APAF1: variants seen among roughly 807,000 people sequenced by gnomAD.
APAF1 encodes the protein apoptotic protease-activating factor 1.
A neutral mutation model predicts 152.4 loss-of-function variants in APAF1; 91 were observed. That is an observed-to-expected ratio of 0.60 (90% confidence interval 0.50 to 0.71). APAF1 has a LOEUF of 0.71. APAF1 is among the 30% of genes least tolerant of loss of function. APAF1 has a pLI of 0.00. For missense variants in APAF1, 1,283 were observed against 1,472.0 expected (o/e 0.87, Z 2.10); for synonymous variants, 484 against 494.1 (o/e 0.98, Z 0.27).
At chr12:98,667,372 T>C in intron 9 of APAF1, 141 bp from the exon 10 acceptor site, 1 of 939,184 alleles carries the variant, frequency 1.1e-6, no homozygotes, top group Admixed American at 1.9e-5. Flanking sequence ...TACCTTGGCC[T>C]CCCAAAGTGC....
chr12:98,645,334 C>T lies in APAF1; in HGVS notation c.-543C>T, dbSNP rs1457159489. Reference sequence around the variant, plus strand: ...TAGCGAGTGGACGTGACTGCTCTATCCCGGGCAAAAGGGATAGAACCAGAG... The same window carrying T: ...TAGCGAGTGGACGTGACTGCTCTATTCCGGGCAAAAGGGATAGAACCAGAG... On this transcript the variant is annotated 5_prime_UTR_variant, in exon 1 of 27. Transcript: ENST00000551964. The T allele has an allele frequency of 6.6e-6, 1 of 152,374 alleles. No individual in the cohort carries two copies. The highest frequency in any genetic ancestry group is 1.5e-5 in the Non-Finnish European group (1 of 68,134). The allele number at this position is 152,374 out of a possible 1,614,324, so 9.4% of individuals were successfully genotyped here. A position where few individuals can be genotyped will look rare whatever the true frequency, so the allele number is the denominator to read the frequency against.
intron 4 of APAF1, among the ~76,000 whole-genome samples, chr12:98,650,532 A>G (rs997172047): frequency 1.3e-5 from 2 of 151,790 alleles, no homozygotes; most frequent in African/African-American, 4.8e-5. Flanking sequence ...TATGTATAAC[A>G]TGATCTACGG....
chr12:98,667,553 A>G lies in APAF1; in HGVS notation c.1403A>G (p.His468Arg), dbSNP rs774346140. ...KKIITQFQRY[H>R]QPHTLSPDQE... ...ATAATCACTCAGTTTCAGAGATATC[A>G]CCAGCCGCATACTCTTTCACCAGAT... Residue 468 changes from histidine to arginine, a missense_variant, in exon 10 of 27, where the codon CAC becomes CGC. Coordinates refer to ENST00000551964, the MANE Select transcript of APAF1 (RefSeq NM_181861.2). 6.2e-7 allele frequency: 1 copy of G among 1,614,060 alleles called. No homozygotes were observed. Among genetic ancestry groups the G allele is most frequent in the Non-Finnish European group, 8.5e-7 (1 of 1,179,976 alleles).
chr12:98,724,345 C>G (rs1193455929), intron 24 of APAF1, among the ~76,000 whole-genome samples: 1 of 152,128 alleles, frequency 6.6e-6, no homozygotes, highest in Non-Finnish European at 1.5e-5. Flanking sequence ...GTGAACTGTC[C>G]CAGCATCCTG....
intron 19 of APAF1, 124 bp from the exon 20 acceptor site, chr12:98,708,458 TATA>T: frequency 1.1e-6 from 1 of 949,328 alleles, no homozygotes; most frequent in Non-Finnish European, 1.6e-6. Flanking sequence ...ATTTTTGGAT[TATA>T]ATCTAATATT....
At chr12:98,653,088 CTTA>C (rs2097651000) in intron 4 of APAF1, among the ~76,000 whole-genome samples, 1 of 151,406 alleles carries the variant, frequency 6.6e-6, no homozygotes, top group African/African-American at 2.4e-5. Context: ...CTATTACAGT[CTTA>C]TTATTCATAT....
chr12:98,669,671 T>A (rs540555878), intron 10 of APAF1, among the ~76,000 whole-genome samples: 1 of 152,342 alleles, frequency 6.6e-6, no homozygotes, highest in South Asian at 2.1e-4. Flanking sequence ...TTAGATTGTT[T>A]AAGCATATTC....
At chr12:98,655,110 G>A (rs1470379993) in intron 4 of APAF1, among the ~76,000 whole-genome samples, 1 of 108,514 alleles carries the variant, frequency 9.2e-6, no homozygotes, top group African/African-American at 3.5e-5. Context: ...ACCCTGAGTG[G>A]ACACAGCACA....
chr12:98,674,173 G>A (rs865816345), intron 12 of APAF1, among the ~76,000 whole-genome samples: 5 of 151,754 alleles, frequency 3.3e-5, no homozygotes, highest in Middle Eastern at 3.2e-3. Flanking sequence ...TTATTTTTTT[G>A]TAGAGATAAG....
At chr12:98,657,497 A>G (rs552008548) in intron 4 of APAF1, among the ~76,000 whole-genome samples, 1 of 152,222 alleles carries the variant, frequency 6.6e-6, no homozygotes, top group Non-Finnish European at 1.5e-5. Context: ...GTGCAGGTTC[A>G]AAGACTCCAT....
intron 14 of APAF1, among the ~76,000 whole-genome samples, chr12:98,682,569 A>C (rs984356371): frequency 5.3e-5 from 8 of 152,168 alleles, no homozygotes; most frequent in African/African-American, 1.9e-4. Flanking sequence ...CTCTCAGACT[A>C]TAAAACCTTT....
intron 15 of APAF1, among the ~76,000 whole-genome samples, chr12:98,684,769 A>G (rs2097696245): frequency 6.6e-6 from 1 of 152,188 alleles, no homozygotes. Context: ...ACTATTTACG[A>G]CTAATTTTTG....
At chr12:98,693,792 G>GTTT (rs546014793) in intron 16 of APAF1, among the ~76,000 whole-genome samples, 7 of 129,780 alleles carry the variant, frequency 5.4e-5, no homozygotes, top group South Asian at 2.5e-4. Flanking sequence ...TTGTTTTTCA[G>GTTT]TTTTTTTTTT....
chr12:98,679,278 G>A lies in APAF1; in HGVS notation c.1921-999G>A, dbSNP rs1449807607. On this transcript the variant is annotated intron_variant, in intron 13 of 26. Transcript: ENST00000551964. ...TTTGCTGAGAGCTGTGCAGATGACA[G>A]GAGGACCAGCTGCAGAGAGGAGCTA... Among the ~76,000 whole-genome samples the A allele has an allele frequency of 2.6e-5, 4 of 152,314 alleles. No individual in the cohort carries two copies. The East Asian group carries it at 7.7e-4, about 29-fold the overall frequency.
At chr12:98,694,906 G>T (rs1431217185) in intron 16 of APAF1, among the ~76,000 whole-genome samples, 2 of 146,710 alleles carry the variant, frequency 1.4e-5, no homozygotes, top group Non-Finnish European at 3.0e-5. Context: ...AGACAGTCTT[G>T]GTGTGTTGCC....
intron 25 of APAF1, among the ~76,000 whole-genome samples, chr12:98,725,799 GCC>G (rs1468426260): frequency 2.0e-5 from 3 of 152,226 alleles, no homozygotes; most frequent in Non-Finnish European, 4.4e-5. Flanking sequence ...TTCATTCTCT[GCC>G]ATTAGCTTGA....
chr12:98,723,095 G>C, intron 22 of APAF1, 98 bp from the exon 23 acceptor site: 1 of 1,298,780 alleles, frequency 7.7e-7, no homozygotes, highest in Middle Eastern at 1.9e-4. Flanking sequence ...TGCCATGTGA[G>C]TAAAAGACTT....
intron 9 of APAF1, 64 bp downstream of exon 9, chr12:98,666,421 A>T: frequency 1.3e-6 from 2 of 1,496,622 alleles, no homozygotes; most frequent in Non-Finnish European, 1.8e-6. Flanking sequence ...AGATTTATTG[A>T]AAATTTACAA....
intron 24 of APAF1, among the ~76,000 whole-genome samples, chr12:98,725,167 C>T (rs1007683340): frequency 1.3e-5 from 2 of 152,172 alleles, no homozygotes; most frequent in South Asian, 2.1e-4. Flanking sequence ...ATTCAGTGTT[C>T]TTCTGTCTAG....
Sources: gnomAD v4.1 joint callset for allele counts (sites outside exome capture counted in the v4.1 genomes callset) on GRCh38, gnomAD v4.1.1 for gene constraint, MANE v1.5 for transcripts, NCBI Gene and HGNC (gene_info 2026-07-23, HGNC 2026-07-21) for gene names.